CRYBG3: variants seen among roughly 807,000 people sequenced by gnomAD.
CRYBG3 encodes the protein very large A-kinase anchor protein.
A neutral mutation model predicts 244.2 loss-of-function variants in CRYBG3; 127 were observed. That is an observed-to-expected ratio of 0.52 (90% confidence interval 0.45 to 0.60). The LOEUF (loss-of-function observed/expected upper bound fraction) is 0.60, where lower values mean the gene tolerates loss of function less well. CRYBG3 is among the 20% of genes least tolerant of loss of function. The probability of loss-of-function intolerance (pLI) is 0.00; values close to 1 mark genes in which losing one functional copy is unlikely to be tolerated. For missense variants in CRYBG3, 3,325 were observed against 3,442.5 expected, an observed-to-expected ratio of 0.97 and a Z score of 0.85; for synonymous variants, 1,132 against 1,195.8, an observed-to-expected ratio of 0.95 and a Z score of 1.10.
At chr3:97,854,226 G>A (rs2039032870) in intron 2 of CRYBG3, among the ~76,000 whole-genome samples, 1 of 152,116 alleles carries the variant, frequency 6.6e-6, no homozygotes, top group African/African-American at 2.4e-5. Context: ...CTATAGCCTT[G>A]TAGTATAGTT....
rs77889252 is a variant in CRYBG3, at chr3:97,915,119, A to G, written c.8115-491A>G. On this transcript the variant is annotated intron_variant, in intron 16 of 21. Transcript: ENST00000389622. The stretch of plus-strand genomic sequence containing the variant: ...TCTATACTCATCTAAACTGAATACA[A>G]ACATTTTTAATTTTTCCCAAAAAGA... 1.6e-3 allele frequency among the ~76,000 whole-genome samples: 244 copies of G among 152,310 alleles called. 4 individuals carry two copies. Among genetic ancestry groups the G allele is most frequent in the East Asian group, 7.1e-3 (37 of 5,184 alleles).
chr3:97,835,606 G>A (rs937114021), intron 1 of CRYBG3, among the ~76,000 whole-genome samples: 1 of 152,088 alleles, frequency 6.6e-6, no homozygotes, highest in Non-Finnish European at 1.5e-5. Context: ...CTTTTGGAAA[G>A]TATCACTGGG....
intron 16 of CRYBG3, among the ~76,000 whole-genome samples, chr3:97,914,878 C>G (rs983672854): frequency 6.6e-6 from 1 of 152,150 alleles, no homozygotes. Flanking sequence ...CTTAACCACA[C>G]CAAAACTAAA....
At chr3:97,907,231 G>C (rs1457175476) in intron 15 of CRYBG3, among the ~76,000 whole-genome samples, 1 of 152,120 alleles carries the variant, frequency 6.6e-6, no homozygotes, top group Non-Finnish European at 1.5e-5. Context: ...TCTCTGCCTG[G>C]CTTTGGTATC....
intron 1 of CRYBG3, among the ~76,000 whole-genome samples, chr3:97,827,434 AT>A (rs1244687865): frequency 2.6e-5 from 4 of 152,166 alleles, no homozygotes; most frequent in Non-Finnish European, 5.9e-5. Flanking sequence ...CTTAGTGTTT[AT>A]TTGGCAGTTG....
intron 1 of CRYBG3, among the ~76,000 whole-genome samples, chr3:97,823,175 A>G (rs1050884323): frequency 6.6e-6 from 1 of 152,190 alleles, no homozygotes; most frequent in Non-Finnish European, 1.5e-5. Context: ...CCTGTTTCTG[A>G]GTCTTTTCAT....
intron 16 of CRYBG3, 145 bp from the exon 17 acceptor site, chr3:97,915,465 G>A: frequency 1.5e-6 from 1 of 658,482 alleles, no homozygotes; most frequent in Middle Eastern, 2.7e-4. Context: ...TAGCTGTTGT[G>A]TTTTTTGTTT....
intron 1 of CRYBG3, among the ~76,000 whole-genome samples, chr3:97,830,547 C>T (rs1030176288): frequency 2.6e-5 from 4 of 152,036 alleles, no homozygotes; most frequent in African/African-American, 9.7e-5. Context: ...TGTCTTTGCA[C>T]TTCTGAAAAT....
rs2039354537 is a variant in CRYBG3 at position 97,875,044 on chromosome 3, G to A, written c.3850G>A (p.Gly1284Ser). The A allele has an allele frequency of 6.5e-7, 1 of 1,534,576 alleles. No homozygotes were observed. The highest frequency in any genetic ancestry group is 1.2e-5 in the South Asian group (1 of 83,706). Residue 1284 changes from glycine to serine, a missense_variant, in exon 4 of 22, where the codon GGT becomes AGT. Coordinates refer to ENST00000389622, the MANE Select transcript of CRYBG3 (RefSeq NM_153605.4). The part of the protein sequence containing the change: ...KEKPCVSPTV[G>S]EKNLLVDPNS... Reference sequence around the variant, plus strand: ...GAAGCCCTGTGTTTCACCAACAGTTGGTGAGAAGAATCTTCTTGTTGATCC... The same window carrying A: ...GAAGCCCTGTGTTTCACCAACAGTTAGTGAGAAGAATCTTCTTGTTGATCC...
chr3:97,912,364 A>T (rs1366022134), intron 16 of CRYBG3, 88 bp downstream of exon 16: 1 of 566,976 alleles, frequency 1.8e-6, no homozygotes, highest in Non-Finnish European at 3.0e-6. Context: ...ATGCACAGTG[A>T]ATCCTTAAAA....
At chr3:97,906,082 C>G (rs2039771120) in intron 15 of CRYBG3, among the ~76,000 whole-genome samples, 1 of 146,774 alleles carries the variant, frequency 6.8e-6, no homozygotes, top group Admixed American at 6.9e-5. Context: ...TCTGAGGGCT[C>G]TGTTCTGTTC....
chr3:97,866,406 G>A (rs537519387), intron 3 of CRYBG3, among the ~76,000 whole-genome samples: 2 of 152,248 alleles, frequency 1.3e-5, no homozygotes, highest in Admixed American at 6.5e-5. Flanking sequence ...CCATAATATG[G>A]GATTACGATT....
chr3:97,877,656 G>C lies in CRYBG3; in HGVS notation c.6462G>C (p.Glu2154Asp). Residue 2154 changes from glutamate to aspartate, a missense_variant, in exon 4 of 22, where the codon GAG (glutamate) becomes GAC (aspartate). Glu to Asp is a conservative substitution (Grantham distance 45). This residue lies in a region of CRYBG3 where 450 missense variants were observed against 424.1 expected (regional missense o/e 1.06). Coordinates refer to ENST00000389622, the MANE Select transcript of CRYBG3 (RefSeq NM_153605.4). ...EAADEEEEEE[E>D]AAVLHKGDLR... ...CTGATGAGGAAGAAGAGGAGGAGGA[G>C]GCAGCAGTATTGCATAAAGGAGATC... 1.9e-6 allele frequency: 3 copies of C among 1,614,122 alleles called. No homozygotes were observed. The highest frequency in any genetic ancestry group is 2.5e-6 in the Non-Finnish European group (3 of 1,180,008).
chr3:97,932,472 C>T (rs1404768622), intron 17 of CRYBG3, among the ~76,000 whole-genome samples: 1 of 152,062 alleles, frequency 6.6e-6, no homozygotes, highest in African/African-American at 2.4e-5. Context: ...ATTCATCCTT[C>T]TCTTATGCAA....
chr3:97,915,552 G>T, intron 16 of CRYBG3, 58 bp from the exon 17 acceptor site: 1 of 1,539,466 alleles, frequency 6.5e-7, no homozygotes, highest in South Asian at 1.2e-5. Context: ...GCATGATAAT[G>T]AGCCTATACT....
intron 17 of CRYBG3, among the ~76,000 whole-genome samples, chr3:97,927,154 C>T (rs114982611): frequency 0.013 from 1,956 of 151,904 alleles, 43 homozygotes; most frequent in African/African-American, 0.045. Flanking sequence ...TCATGCCACC[C>T]GATTTCAAAC....
At chr3:97,939,597 A>C (rs2040203173) in intron 19 of CRYBG3, among the ~76,000 whole-genome samples, 1 of 152,042 alleles carries the variant, frequency 6.6e-6, no homozygotes, top group South Asian at 2.1e-4. Flanking sequence ...TAATTGATTA[A>C]AACTGTGATG....
chr3:97,912,152 T>TTATTTTCTATTTAAC lies in CRYBG3; in HGVS notation c.8005-14_8005-13insATTTTCTATTTAACT, dbSNP rs759439001. On this transcript the variant is annotated splice_polypyrimidine_tract_variant and intron_variant, in intron 15 of 21. Coordinates refer to ENST00000389622, the MANE Select transcript of CRYBG3 (RefSeq NM_153605.4). ...ATTTTTTTTCTATTTAACTGTTGTG[T>TTATTTTCTATTTAAC]TGTTGTTCTTGTAGCTCAAAGCATT... The TTATTTTCTATTTAAC allele has an allele frequency of 6.9e-7, 1 of 1,442,786 alleles. No individual in the cohort carries two copies. 89.4% of individuals were successfully genotyped at this position (1,442,786 alleles called of 1,614,324 possible). A position where few individuals can be genotyped will look rare whatever the true frequency, so the allele number is the denominator to read the frequency against.
chr3:97,932,209 G>A (rs76330093), intron 17 of CRYBG3, among the ~76,000 whole-genome samples: 3,430 of 151,974 alleles, frequency 0.023, 65 homozygotes, highest in African/African-American at 0.042. Context: ...ACATATGTAT[G>A]TGCACAGAAA....
Sources: gnomAD v4.1 joint callset for allele counts (sites outside exome capture counted in the v4.1 genomes callset) on GRCh38, gnomAD v4.1.1 for gene constraint, gnomAD v4.1.1 regional missense constraint, MANE v1.5 for transcripts, NCBI Gene and HGNC (gene_info 2026-07-23, HGNC 2026-07-21) for gene names.